Variants in MINAR2 observed in about 807,000 individuals in gnomAD.
MINAR2 encodes major intrinsically disordered NOTCH2-binding receptor 1-like.
Under a neutral mutation model 16.1 loss-of-function variants are expected in MINAR2, and 21 were observed. The observed-to-expected ratio is 1.31, with a 90% CI of 0.93 to 1.88. The LOEUF (loss-of-function observed/expected upper bound fraction) is 1.88, where lower values mean the gene tolerates loss of function less well. Ranked by LOEUF, MINAR2 falls within the 40% of genes most tolerant of loss-of-function variation. The pLI is 0.00. For missense variants in MINAR2, 259 were observed against 229.8 expected, an observed-to-expected ratio of 1.13 and a Z score of -0.82; for synonymous variants, 86 against 83.0, an observed-to-expected ratio of 1.04 and a Z score of -0.20.
At chr5:129,749,792 A>G (rs1757964145) in intron 1 of MINAR2, among the ~76,000 whole-genome samples, 1 of 152,194 alleles carries the variant, frequency 6.6e-6, no homozygotes, top group African/African-American at 2.4e-5. Context: ...TATTTCCTTC[A>G]TGTGGAACTT....
At chr5:129,755,869 A>G (rs769771258) in intron 1 of MINAR2, among the ~76,000 whole-genome samples, 39 of 151,876 alleles carry the variant, frequency 2.6e-4, no homozygotes, top group Admixed American at 4.6e-4. Flanking sequence ...TATTTATTCA[A>G]TGGCTTTATT....
At chr5:129,753,781 C>CAG (rs1029339933) in intron 1 of MINAR2, among the ~76,000 whole-genome samples, 52 of 140,880 alleles carry the variant, frequency 3.7e-4, no homozygotes, top group African/African-American at 1.0e-3. Context: ...GTGAGAGCGT[C>CAG]AGAGAGAGAG....
At chr5:129,754,898 T>A (rs978721507) in intron 1 of MINAR2, among the ~76,000 whole-genome samples, 1 of 152,186 alleles carries the variant, frequency 6.6e-6, no homozygotes, top group Non-Finnish European at 1.5e-5. Flanking sequence ...ATATGGACAT[T>A]GTGATTACTA....
At chr5:129,753,224 C>A (rs1451609588) in intron 1 of MINAR2, among the ~76,000 whole-genome samples, 1 of 152,010 alleles carries the variant, frequency 6.6e-6, no homozygotes, top group African/African-American at 2.4e-5. Context: ...ATGGCTCATG[C>A]TGTAATTCCA....
chr5:129,753,147 T>C (rs1466330985), intron 1 of MINAR2, among the ~76,000 whole-genome samples: 4 of 152,078 alleles, frequency 2.6e-5, no homozygotes, highest in Non-Finnish European at 5.9e-5. Context: ...CATGCCTTCC[T>C]AAGACTGTCT....
At chr5:129,753,847 AAAAG>A (rs982486360) in intron 1 of MINAR2, among the ~76,000 whole-genome samples, 24 of 152,076 alleles carry the variant, frequency 1.6e-4, no homozygotes, top group African/African-American at 5.6e-4. Flanking sequence ...AGAAAGAAGA[AAAAG>A]AAAGAAAAGA....
intron 1 of MINAR2, among the ~76,000 whole-genome samples, chr5:129,750,324 C>T (rs1757971042): frequency 1.3e-5 from 2 of 152,150 alleles, no homozygotes; most frequent in Non-Finnish European, 2.9e-5. Flanking sequence ...AAAGAAGACA[C>T]TGAATATGCA....
At position 129,765,759 on chromosome 5, in the gene MINAR2, C is replaced by G. The variant is rs1330826690; in HGVS notation, c.*696C>G. On this transcript the variant is annotated 3_prime_UTR_variant, in exon 3 of 3. Coordinates refer to ENST00000564719, the MANE Select transcript of MINAR2 (RefSeq NM_001257308.2). Reference sequence around the variant, plus strand: ...TTAATTACATTTAGATCCAATTTATCCAAATTGGCTGTGACCCCTGGTGGC... The same window carrying G: ...TTAATTACATTTAGATCCAATTTATGCAAATTGGCTGTGACCCCTGGTGGC... 6.6e-6 allele frequency: 1 copy of G among 152,094 alleles called. No homozygotes were observed. The highest frequency in any genetic ancestry group is 1.5e-5 in the Non-Finnish European group (1 of 68,038). The allele number at this position is 152,094 out of a possible 1,614,324, so 9.4% of individuals were successfully genotyped here.
chr5:129,750,041 C>T (rs1320272892), intron 1 of MINAR2, among the ~76,000 whole-genome samples: 1 of 152,094 alleles, frequency 6.6e-6, no homozygotes, highest in African/African-American at 2.4e-5. Flanking sequence ...CTAGTGAAGG[C>T]CAGTGTACTA....
chr5:129,765,189 A>G lies in MINAR2; in HGVS notation c.*126A>G. On this transcript the variant is annotated 3_prime_UTR_variant, in exon 3 of 3. Transcript: ENST00000564719. ...GCAGTGTGAATGGATTGTTGATTGT[A>G]TTATTAAATGTAATTGTCCTGAAGA... The G allele has an allele frequency of 2.1e-6, 1 of 475,238 alleles. No individual in the cohort carries two copies. The highest frequency in any genetic ancestry group is 3.4e-6 in the Non-Finnish European group (1 of 295,012). The allele number at this position is 475,238 out of a possible 1,614,324, so 29.4% of individuals were successfully genotyped here. A position where few individuals can be genotyped will look rare whatever the true frequency, so the allele number is the denominator to read the frequency against.
intron 2 of MINAR2, among the ~76,000 whole-genome samples, chr5:129,763,848 A>T (rs779766647): frequency 2.2e-4 from 33 of 152,196 alleles, no homozygotes; most frequent in Non-Finnish European, 3.7e-4. Flanking sequence ...TTGACCCCTG[A>T]TGCTGATAAA....
rs1757939034 is a variant in MINAR2, at chr5:129,748,151, C to T, written c.-40C>T. On this transcript the variant is annotated 5_prime_UTR_variant, in exon 1 of 3. Coordinates refer to ENST00000564719, the MANE Select transcript of MINAR2 (RefSeq NM_001257308.2). Reference sequence around the variant, plus strand: ...TAATGGAGGAGTCTGACAAGAGCAGCTTTGCCTGTCTTTGTTTTCCACTGT... The same window carrying T: ...TAATGGAGGAGTCTGACAAGAGCAGTTTTGCCTGTCTTTGTTTTCCACTGT... The T allele has an allele frequency of 1.3e-6, 2 of 1,523,634 alleles. No individual in the cohort carries two copies. The highest frequency in any genetic ancestry group is 1.8e-6 in the Non-Finnish European group (2 of 1,138,730). The allele number at this position is 1,523,634 out of a possible 1,614,324, so 94.4% of individuals were successfully genotyped here.
intron 1 of MINAR2, among the ~76,000 whole-genome samples, chr5:129,753,501 C>T (rs1382662843): frequency 9.0e-6 from 1 of 110,504 alleles, no homozygotes; most frequent in African/African-American, 3.6e-5. Context: ...AAAAAAAAGT[C>T]CCAGCACTTT....
rs188366696 is a variant in MINAR2, at chr5:129,762,224, T to C, written c.393+1619T>C. Among the ~76,000 whole-genome samples, 37 of 152,070 alleles carry C rather than the reference T, an allele frequency of 2.4e-4. No homozygotes were observed. The South Asian group carries it at 6.6e-3, about 27-fold the overall frequency. Reference sequence around the variant, plus strand: ...ATTCTCAAGATACACTTTACCTATATAGAAAACTAGCACATGTAACCCTGA... The same window carrying C: ...ATTCTCAAGATACACTTTACCTATACAGAAAACTAGCACATGTAACCCTGA... On this transcript the variant is annotated intron_variant, in intron 2 of 2. Coordinates refer to ENST00000564719, the MANE Select transcript of MINAR2 (RefSeq NM_001257308.2).
rs193057849 is a variant in MINAR2 at position 129,757,769 on chromosome 5, T to C, written c.166-2609T>C. The stretch of plus-strand genomic sequence containing the variant: ...TACTATACTCCAGTGTATTCATTTC[T>C]CTTACTTTAAAATTCACAAATTAGT... On this transcript the variant is annotated intron_variant, in intron 1 of 2. Coordinates refer to ENST00000564719, the MANE Select transcript of MINAR2 (RefSeq NM_001257308.2). Among the ~76,000 whole-genome samples, 79 of 152,124 alleles carry C rather than the reference T, an allele frequency of 5.2e-4. No homozygotes were observed. The East Asian group carries it at 0.011, about 21-fold the overall frequency.
chr5:129,761,038 A>C (rs1336909232), intron 2 of MINAR2, among the ~76,000 whole-genome samples: 1 of 152,206 alleles, frequency 6.6e-6, no homozygotes, highest in African/African-American at 2.4e-5. Flanking sequence ...TTCTCATCAA[A>C]GATTATTTTA....
At chr5:129,763,859 G>C (rs1296545526) in intron 2 of MINAR2, among the ~76,000 whole-genome samples, 1 of 152,168 alleles carries the variant, frequency 6.6e-6, no homozygotes, top group African/African-American at 2.4e-5. Context: ...TGCTGATAAA[G>C]AAAACTTGCT....
rs150637601 is a variant in MINAR2, at chr5:129,751,672, G to A, written c.165+3317G>A. 7.6e-3 allele frequency among the ~76,000 whole-genome samples: 1,160 copies of A among 152,204 alleles called. 36 individuals carry two copies. The highest frequency in any genetic ancestry group is 0.067 in the East Asian group (347 of 5,178). ...CTTCTCCTTAAATTCTTTCACCAGA[G>A]AAATAAAGAAGCTTCACAACAAATT... On this transcript the variant is annotated intron_variant, in intron 1 of 2. Coordinates refer to ENST00000564719, the MANE Select transcript of MINAR2 (RefSeq NM_001257308.2).
Position 129,758,408 on chromosome 5 carries a change from T to C in MINAR2, c.166-1970T>C, listed in dbSNP as rs140037638. On this transcript the variant is annotated intron_variant, in intron 1 of 2. Transcript: ENST00000564719. The stretch of plus-strand genomic sequence containing the variant: ...TTTTCCTTCGTCTGTCTCTCAGACA[T>C]AAATTCACATGCAGTGCAAAAATAA... Among the ~76,000 whole-genome samples, 97 of 152,178 alleles carry C rather than the reference T, an allele frequency of 6.4e-4. 1 individual carries two copies. The East Asian group carries it at 9.3e-3, about 15-fold the overall frequency.
Sources: allele counts gnomAD v4.1 joint callset (sites outside exome capture counted in the v4.1 genomes callset), GRCh38; gene constraint gnomAD v4.1.1; transcripts MANE v1.5; gene names NCBI Gene and HGNC (gene_info 2026-07-23, HGNC 2026-07-21).